Variants in CNTNAP2 observed in about 807,000 individuals in gnomAD.
CNTNAP2 encodes the protein contactin-associated protein-like 2.
CNTNAP2 carries 98 observed loss-of-function variants against 155.2 expected under a neutral mutation model. That is an observed-to-expected ratio of 0.63 (90% confidence interval 0.54 to 0.75). The LOEUF (loss-of-function observed/expected upper bound fraction) is 0.75. Among genes scored for constraint, CNTNAP2 ranks in the 30% least tolerant of loss-of-function variants. The pLI, the probability that CNTNAP2 is intolerant of heterozygous loss-of-function variation, is 0.00. For missense variants in CNTNAP2, 1,727 were observed against 1,688.1 expected (o/e 1.02, Z -0.40); for synonymous variants, 651 against 631.2 (o/e 1.03, Z -0.47).
intron 18 of CNTNAP2, among the ~76,000 whole-genome samples, chr7:148,195,662 T>C (rs1202934183): frequency 6.6e-6 from 1 of 152,248 alleles, no homozygotes; most frequent in African/African-American, 2.4e-5. Context: ...TAAATATTTT[T>C]AAAATGTTTG....
intron 13 of CNTNAP2, among the ~76,000 whole-genome samples, chr7:147,794,073 T>C (rs1171940998): frequency 1.3e-5 from 2 of 152,004 alleles, no homozygotes; most frequent in East Asian, 3.9e-4. Context: ...TTATGATGTT[T>C]TATATACAAG....
chr7:147,376,722 T>C (rs1221015770), intron 9 of CNTNAP2, among the ~76,000 whole-genome samples: 1 of 151,860 alleles, frequency 6.6e-6, no homozygotes, highest in African/African-American at 2.4e-5. Context: ...TTTCCTCTAT[T>C]TTAGAGGTAA....
At chr7:147,119,095 A>C (rs538921123) in intron 5 of CNTNAP2, among the ~76,000 whole-genome samples, 15 of 152,284 alleles carry the variant, frequency 9.9e-5, no homozygotes, top group African/African-American at 3.6e-4. Context: ...TGTACACATA[A>C]AAACATTTTA....
chr7:146,842,868 G>C (rs1332604585), intron 3 of CNTNAP2, among the ~76,000 whole-genome samples: 1 of 150,658 alleles, frequency 6.6e-6, no homozygotes, highest in Non-Finnish European at 1.5e-5. Flanking sequence ...TGTATTTTTA[G>C]TAGAGACGGG....
intron 11 of CNTNAP2, among the ~76,000 whole-genome samples, chr7:147,548,778 C>G (rs1799792492): frequency 6.6e-6 from 1 of 151,866 alleles, no homozygotes; most frequent in Non-Finnish European, 1.5e-5. Context: ...TGAGATAATT[C>G]TGTATAAGGT....
intron 16 of CNTNAP2, among the ~76,000 whole-genome samples, chr7:148,130,863 T>C (rs1340984412): frequency 2.0e-5 from 3 of 152,112 alleles, no homozygotes; most frequent in African/African-American, 4.8e-5. Context: ...GAAGACTTCA[T>C]TTCCCCAAAA....
intron 9 of CNTNAP2, among the ~76,000 whole-genome samples, chr7:147,365,738 T>C (rs1054821158): frequency 2.0e-5 from 3 of 152,192 alleles, no homozygotes; most frequent in African/African-American, 7.2e-5. Flanking sequence ...TTATATTTCC[T>C]ATTTTATAAT....
chr7:148,252,062 T>A (rs538469145), intron 20 of CNTNAP2, among the ~76,000 whole-genome samples: 1 of 152,232 alleles, frequency 6.6e-6, no homozygotes, highest in South Asian at 2.1e-4. Flanking sequence ...CTCCTATACA[T>A]GCCTCATAGT....
rs552172305 is a variant in CNTNAP2 at position 148,016,515 on chromosome 7, CT to C, written c.2383+38527del. Among the ~76,000 whole-genome samples, 311 of 152,318 alleles carry C rather than the reference CT, an allele frequency of 2.0e-3. 3 individuals carry two copies. Among genetic ancestry groups the C allele is most frequent in the Middle Eastern group, 0.01 (3 of 294 alleles). ...TGTCTAGCTTATCTGGGGGAAGACA[CT>C]GAAGAGAGGCAGAGGTGGAGACGTG... is the stretch of plus-strand genomic sequence containing the variant. On this transcript the variant is annotated intron_variant, in intron 15 of 23. Transcript: ENST00000361727.
At chr7:147,011,274 C>T (rs552098562) in intron 3 of CNTNAP2, among the ~76,000 whole-genome samples, 4 of 151,784 alleles carry the variant, frequency 2.6e-5, no homozygotes, top group East Asian at 1.9e-4. Context: ...ATTAGCTTGA[C>T]GTGGTGACAC....
intron 1 of CNTNAP2, among the ~76,000 whole-genome samples, chr7:146,281,276 T>C (rs767735504): frequency 2.0e-5 from 3 of 152,078 alleles, no homozygotes; most frequent in Non-Finnish European, 2.9e-5. Context: ...TAACCAGAGG[T>C]ATTTTCATTT....
chr7:147,472,162 T>G (rs1449892657), intron 10 of CNTNAP2, among the ~76,000 whole-genome samples: 1 of 151,290 alleles, frequency 6.6e-6, no homozygotes, highest in East Asian at 1.9e-4. Flanking sequence ...GCTCATTTCT[T>G]CCTAAATGAA....
intron 15 of CNTNAP2, among the ~76,000 whole-genome samples, chr7:148,022,522 G>A (rs1802301323): frequency 6.6e-6 from 1 of 151,776 alleles, no homozygotes; most frequent in African/African-American, 2.4e-5. Flanking sequence ...AATATCCAGT[G>A]TGGCTTCTGC....
Position 146,404,042 on chromosome 7 carries a change from G to T in CNTNAP2, c.97+287069G>T, listed in dbSNP as rs923980595. Among the ~76,000 whole-genome samples, 236 of 144,180 alleles carry T rather than the reference G, an allele frequency of 1.6e-3. 1 individual carries two copies. Among genetic ancestry groups the T allele is most frequent in the African/African-American group, 5.4e-3 (206 of 38,470 alleles). The allele number at this position is 144,180 out of a possible 152,430, so 94.6% of individuals were successfully genotyped here. ...TGGGAGGCTGAGGCAGGAGAATGGCGTGAACCCGGGAGGCGGAGCTTGCAG... is the reference window on the plus strand; with the variant it reads ...TGGGAGGCTGAGGCAGGAGAATGGCTTGAACCCGGGAGGCGGAGCTTGCAG... On this transcript the variant is annotated intron_variant, in intron 1 of 23. Coordinates refer to ENST00000361727, the MANE Select transcript of CNTNAP2 (RefSeq NM_014141.6).
chr7:148,167,268 C>A lies in CNTNAP2; in HGVS notation c.2774-4974C>A, dbSNP rs1317957095. On this transcript the variant is annotated intron_variant, in intron 17 of 23. Coordinates refer to ENST00000361727, the MANE Select transcript of CNTNAP2 (RefSeq NM_014141.6). ...CATTCTTCTGCCTCAGCCTCCCAAG[C>A]AGCTGGGATTACAGGTGCATGCCAC... Among the ~76,000 whole-genome samples, 8 of 151,958 alleles carry A rather than the reference C, an allele frequency of 5.3e-5. No individual in the cohort carries two copies. The East Asian group carries it at 1.4e-3, about 26-fold the overall frequency.
intron 1 of CNTNAP2, among the ~76,000 whole-genome samples, chr7:146,622,075 G>T (rs983562285): frequency 7.9e-5 from 12 of 151,762 alleles, no homozygotes; most frequent in Admixed American, 3.3e-4. Flanking sequence ...CAGAGTTTTT[G>T]AAAAGCATTT....
chr7:146,708,181 A>G (rs1170659864), intron 1 of CNTNAP2, among the ~76,000 whole-genome samples: 1 of 152,158 alleles, frequency 6.6e-6, no homozygotes, highest in African/African-American at 2.4e-5. Context: ...ACCTTGTATT[A>G]TTAATTTTGA....
chr7:146,184,889 A>G (rs1053376959), intron 1 of CNTNAP2, among the ~76,000 whole-genome samples: 4 of 152,124 alleles, frequency 2.6e-5, no homozygotes, highest in African/African-American at 9.7e-5. Flanking sequence ...ATAAACATCA[A>G]AAGTGCTACA....
chr7:146,143,198 C>T (rs577992401), intron 1 of CNTNAP2, among the ~76,000 whole-genome samples: 1 of 152,254 alleles, frequency 6.6e-6, no homozygotes, highest in South Asian at 2.1e-4. Flanking sequence ...TTCAAATTTC[C>T]TTCCAAATTG....
Sources: gnomAD v4.1 joint callset for allele counts (sites outside exome capture counted in the v4.1 genomes callset) on GRCh38, gnomAD v4.1.1 for gene constraint, MANE v1.5 for transcripts, NCBI Gene and HGNC (gene_info 2026-07-23, HGNC 2026-07-21) for gene names.